CERS6: variants seen among roughly 807,000 people sequenced by gnomAD.
CERS6 encodes the protein ceramide synthase 6.
CERS6 carries 26 observed loss-of-function variants against 56.8 expected under a neutral mutation model. That is an observed-to-expected ratio of 0.46 (90% CI 0.34 to 0.63). The LOEUF (loss-of-function observed/expected upper bound fraction) is 0.63. Ranked by LOEUF, CERS6 falls within the 30% of genes least tolerant of loss-of-function variation. CERS6 has a pLI of 0.01. For synonymous variants in CERS6, 164 were observed against 173.3 expected (o/e 0.95, Z 0.42); for missense variants, 415 against 467.5 (o/e 0.89, Z 1.04).
At chr2:168,480,749 A>G (rs566600171) in intron 1 of CERS6, among the ~76,000 whole-genome samples, 1 of 152,346 alleles carries the variant, frequency 6.6e-6, no homozygotes, top group African/African-American at 2.4e-5. Context: ...GAAGCCAGAT[A>G]TTAGGGTTTG....
intron 9 of CERS6, chr2:168,766,300 C>A: frequency 6.3e-7 from 1 of 1,597,176 alleles, no homozygotes; most frequent in Admixed American, 1.7e-5. Context: ...TGTTTGTTCT[C>A]TTCCTTCTGC....
At chr2:168,560,524 T>G (rs1463892421) in intron 2 of CERS6, among the ~76,000 whole-genome samples, 1 of 152,152 alleles carries the variant, frequency 6.6e-6, no homozygotes, top group Non-Finnish European at 1.5e-5. Context: ...CTTCACCAAG[T>G]GTACTTTTTT....
intron 3 of CERS6, among the ~76,000 whole-genome samples, chr2:168,623,029 C>T (rs1041789439): frequency 5.3e-5 from 8 of 152,086 alleles, no homozygotes; most frequent in African/African-American, 1.9e-4. Context: ...AATTTGCTTC[C>T]TCCCCAGTTG....
At chr2:168,659,391 C>T (rs1054596761) in intron 4 of CERS6, among the ~76,000 whole-genome samples, 10 of 152,304 alleles carry the variant, frequency 6.6e-5, no homozygotes, top group African/African-American at 2.4e-4. Flanking sequence ...GAAATCTAAG[C>T]ACTTCTTGTA....
chr2:168,656,534 G>A (rs1386434165), intron 4 of CERS6, among the ~76,000 whole-genome samples: 1 of 151,932 alleles, frequency 6.6e-6, no homozygotes, highest in Admixed American at 6.6e-5. Flanking sequence ...GACCTTCGCG[G>A]TGAGTGTTAC....
chr2:168,759,370 C>A (rs1684503912), intron 8 of CERS6, among the ~76,000 whole-genome samples: 1 of 152,092 alleles, frequency 6.6e-6, no homozygotes, highest in Non-Finnish European at 1.5e-5. Flanking sequence ...GCAGAACAAA[C>A]CCGCGTGAGT....
intron 1 of CERS6, among the ~76,000 whole-genome samples, chr2:168,541,861 T>C (rs945906747): frequency 6.6e-6 from 1 of 152,220 alleles, no homozygotes; most frequent in African/African-American, 2.4e-5. Flanking sequence ...TCTTTGGCAT[T>C]GTCTCTTCTA....
intron 1 of CERS6, among the ~76,000 whole-genome samples, chr2:168,532,286 G>A (rs957450382): frequency 6.6e-6 from 1 of 152,076 alleles, no homozygotes. Flanking sequence ...TATGATTTTC[G>A]TTATGTAGAT....
At chr2:168,472,318 A>G (rs966782474) in intron 1 of CERS6, among the ~76,000 whole-genome samples, 2 of 152,190 alleles carry the variant, frequency 1.3e-5, no homozygotes, top group East Asian at 3.8e-4. Flanking sequence ...CAGAACAGAG[A>G]TCAAGGATCA....
At chr2:168,466,071 G>A (rs1219951785) in intron 1 of CERS6, among the ~76,000 whole-genome samples, 1 of 150,100 alleles carries the variant, frequency 6.7e-6, no homozygotes, top group Non-Finnish European at 1.5e-5. Context: ...CTTCTTTCCA[G>A]AATCGTCTGG....
chr2:168,692,849 C>A (rs559028656), intron 5 of CERS6, among the ~76,000 whole-genome samples: 129 of 152,106 alleles, frequency 8.5e-4, no homozygotes, highest in Non-Finnish European at 1.6e-3. Flanking sequence ...TATATAGATT[C>A]CTGTTCCAAG....
chr2:168,702,092 A>C (rs1686819342), intron 6 of CERS6, among the ~76,000 whole-genome samples: 1 of 152,146 alleles, frequency 6.6e-6, no homozygotes, highest in Non-Finnish European at 1.5e-5. Flanking sequence ...ATTTATATAG[A>C]TACAACCGTC....
At chr2:168,650,236 T>C (rs1685310773) in intron 4 of CERS6, among the ~76,000 whole-genome samples, 1 of 152,154 alleles carries the variant, frequency 6.6e-6, no homozygotes, top group Admixed American at 6.5e-5. Context: ...TTTTTCTTTT[T>C]GCTTTCTTGC....
chr2:168,566,192 G>A (rs1210723711), intron 3 of CERS6, among the ~76,000 whole-genome samples: 1 of 152,112 alleles, frequency 6.6e-6, no homozygotes, highest in African/African-American at 2.4e-5. Flanking sequence ...TTTTATTTAA[G>A]CAGTCTCAAA....
rs557085038 is a variant in CERS6, at chr2:168,732,192, T to C, written c.845+14214T>C. Among the ~76,000 whole-genome samples the C allele has an allele frequency of 2.6e-5, 4 of 152,336 alleles. No individual in the cohort carries two copies. The South Asian group carries it at 8.3e-4, about 32-fold the overall frequency. On this transcript the variant is annotated intron_variant, in intron 8 of 9. Transcript: ENST00000305747. ...AAATTTAAGTAGATGTTAAATTCCC[T>C]ACTCTCAGTAGCAGTCACATGGCAT...
intron 3 of CERS6, among the ~76,000 whole-genome samples, chr2:168,598,212 T>C (rs901905577): frequency 4.6e-5 from 7 of 152,236 alleles, no homozygotes; most frequent in Non-Finnish European, 7.3e-5. Flanking sequence ...CTGGCATTGA[T>C]TGAAGTTGTT....
At chr2:168,675,421 C>CA (rs1435492971) in intron 4 of CERS6, among the ~76,000 whole-genome samples, 3 of 151,742 alleles carry the variant, frequency 2.0e-5, no homozygotes, top group Non-Finnish European at 4.4e-5. Context: ...CCTGCCTCTA[C>CA]AAAAAACACA....
intron 2 of CERS6, among the ~76,000 whole-genome samples, chr2:168,554,908 A>G (rs887484074): frequency 5.3e-5 from 8 of 152,220 alleles, no homozygotes; most frequent in African/African-American, 1.9e-4. Context: ...TGAATCATAT[A>G]TGTATTAAAT....
intron 4 of CERS6, among the ~76,000 whole-genome samples, chr2:168,636,889 T>A (rs75756906): frequency 6.6e-6 from 1 of 152,186 alleles, no homozygotes; most frequent in Admixed American, 6.5e-5. Flanking sequence ...TGAGGCCCTG[T>A]AGAGGCCGTC....
Sources: allele counts gnomAD v4.1 joint callset (sites outside exome capture counted in the v4.1 genomes callset), GRCh38; gene constraint gnomAD v4.1.1; transcripts MANE v1.5; gene names NCBI Gene and HGNC (gene_info 2026-07-23, HGNC 2026-07-21).